Variants in WWOX observed in about 807,000 individuals in gnomAD.
WWOX encodes the protein WW domain containing oxidoreductase.
A neutral mutation model predicts 46.2 loss-of-function variants in WWOX; 69 were observed. That is an observed-to-expected ratio of 1.49 (90% CI 1.23 to 1.82). WWOX has a LOEUF of 1.82. Among genes scored for constraint, WWOX ranks in the 40% most tolerant of loss-of-function variants. WWOX has a pLI of 0.00. For synonymous variants in WWOX, 359 were observed against 202.6 expected (o/e 1.77, Z -6.56); for missense variants, 919 against 542.6 (o/e 1.69, Z -6.89).
chr16:78,816,154 C>T (rs764294067), intron 8 of WWOX, among the ~76,000 whole-genome samples: 5 of 152,166 alleles, frequency 3.3e-5, no homozygotes, highest in African/African-American at 1.2e-4. Flanking sequence ...GTTGTTTAAA[C>T]TAAATCCCTA....
At chr16:78,518,901 C>G (rs893250794) in intron 8 of WWOX, among the ~76,000 whole-genome samples, 5 of 152,174 alleles carry the variant, frequency 3.3e-5, no homozygotes, top group African/African-American at 1.2e-4. Flanking sequence ...TTGGTACTCA[C>G]GGGTGTTATG....
chr16:78,642,100 T>TC (rs1342191604), intron 8 of WWOX, among the ~76,000 whole-genome samples: 1 of 152,144 alleles, frequency 6.6e-6, no homozygotes, highest in Non-Finnish European at 1.5e-5. Context: ...AGACTGTCTG[T>TC]CCCCCAAATA....
intron 8 of WWOX, among the ~76,000 whole-genome samples, chr16:78,875,523 T>G (rs1001306730): frequency 1.3e-5 from 2 of 152,242 alleles, no homozygotes; most frequent in Non-Finnish European, 2.9e-5. Context: ...CTATTTAATC[T>G]GTTTTTCCTT....
intron 8 of WWOX, among the ~76,000 whole-genome samples, chr16:78,561,156 C>G (rs1173707801): frequency 1.3e-5 from 2 of 152,144 alleles, no homozygotes; most frequent in African/African-American, 2.4e-5. Context: ...GGTGGCTGCC[C>G]TCAGCTCCCA....
intron 8 of WWOX, chr16:78,890,136 C>G (rs1015180518): frequency 1.3e-5 from 2 of 152,106 alleles, no homozygotes; most frequent in African/African-American, 4.8e-5. Flanking sequence ...TTTTCCTAAA[C>G]AACATCAATG....
chr16:78,736,941 C>T (rs16948397), intron 8 of WWOX, among the ~76,000 whole-genome samples: 54 of 151,778 alleles, frequency 3.6e-4, no homozygotes, highest in Admixed American at 1.1e-3. Context: ...TTGTGTATTG[C>T]GTTATTGCCT....
chr16:78,679,219 C>G (rs368572889), intron 8 of WWOX, among the ~76,000 whole-genome samples: 10 of 152,088 alleles, frequency 6.6e-5, no homozygotes, highest in African/African-American at 2.4e-4. Context: ...TCCTAGAACC[C>G]GTTTCTTACC....
At chr16:78,140,816 T>G (rs2033960481) in intron 4 of WWOX, among the ~76,000 whole-genome samples, 1 of 152,190 alleles carries the variant, frequency 6.6e-6, no homozygotes, top group African/African-American at 2.4e-5. Context: ...CATATCTTTT[T>G]GGGGGGACAC....
chr16:78,869,502 G>C (rs1164587869), intron 8 of WWOX, among the ~76,000 whole-genome samples: 1 of 152,228 alleles, frequency 6.6e-6, no homozygotes, highest in Non-Finnish European at 1.5e-5. Context: ...TAACAATTTA[G>C]ATGAAGGATG....
intron 8 of WWOX, among the ~76,000 whole-genome samples, chr16:78,907,233 G>C (rs546154339): frequency 6.6e-6 from 1 of 152,136 alleles, no homozygotes; most frequent in South Asian, 2.1e-4. Flanking sequence ...GCTTCTGGGT[G>C]GGGGGCAGGG....
chr16:78,173,369 A>G lies in WWOX; in HGVS notation c.516+9080A>G, dbSNP rs561645817. Among the ~76,000 whole-genome samples the G allele has an allele frequency of 2.0e-5, 3 of 151,976 alleles. No homozygotes were observed. The East Asian group carries it at 5.8e-4, about 29-fold the overall frequency. The stretch of plus-strand genomic sequence containing the variant: ...AGTGGCACAATGATGGTTCACTGCA[A>G]CCTTGACCTCCTGGGCTCAAGTGAT... On this transcript the variant is annotated intron_variant, in intron 5 of 8. Transcript: ENST00000566780.
chr16:78,795,674 A>C (rs956598300), intron 8 of WWOX, among the ~76,000 whole-genome samples: 2 of 152,142 alleles, frequency 1.3e-5, no homozygotes, highest in Non-Finnish European at 2.9e-5. Flanking sequence ...ATTAACATAC[A>C]CAGTCAGCAT....
At chr16:78,767,117 C>T (rs1319737860) in intron 8 of WWOX, among the ~76,000 whole-genome samples, 1 of 121,890 alleles carries the variant, frequency 8.2e-6, no homozygotes, top group African/African-American at 3.0e-5. Context: ...TTCCTTCCTT[C>T]TTTCCTTCCT....
At chr16:78,987,381 T>C (rs549480440) in intron 8 of WWOX, among the ~76,000 whole-genome samples, 9 of 152,348 alleles carry the variant, frequency 5.9e-5, no homozygotes, top group African/African-American at 2.2e-4. Flanking sequence ...AATATTTTCC[T>C]AGCAAAGGCA....
At chr16:79,029,315 A>G (rs1169442998) in intron 8 of WWOX, among the ~76,000 whole-genome samples, 3 of 152,182 alleles carry the variant, frequency 2.0e-5, no homozygotes, top group Non-Finnish European at 4.4e-5. Flanking sequence ...TGGGGAAGAG[A>G]CGCACATCAG....
intron 8 of WWOX, among the ~76,000 whole-genome samples, chr16:79,124,234 C>T (rs966238185): frequency 6.6e-6 from 1 of 152,118 alleles, no homozygotes; most frequent in Non-Finnish European, 1.5e-5. Flanking sequence ...GTGCCCCCTG[C>T]CCCAGAACTG....
rs576968725 is a variant in WWOX, at chr16:78,802,789, G to A, written c.1056+370037G>A. 5.3e-5 allele frequency among the ~76,000 whole-genome samples: 8 copies of A among 151,508 alleles called. No homozygotes were observed. The South Asian group carries it at 6.3e-4, about 12-fold the overall frequency. On this transcript the variant is annotated intron_variant, in intron 8 of 8. Transcript: ENST00000566780. Reference sequence around the variant, plus strand: ...AAGTTAGCCAGGTGTGGTGGTGGGCGCCTGTAATCCCAGCTACATGGGAGG... The same window carrying A: ...AAGTTAGCCAGGTGTGGTGGTGGGCACCTGTAATCCCAGCTACATGGGAGG...
In WWOX at chr16:78,986,995, G is replaced by T. The variant is rs568945393; in HGVS notation, c.1057-224613G>T. ...GGAGGTACAGTGCACTTACCCACAC[G>T]GAGCAGAGAGGGATCAGAGGAGGCT... On this transcript the variant is annotated intron_variant, in intron 8 of 8. Coordinates refer to ENST00000566780, the MANE Select transcript of WWOX (RefSeq NM_016373.4). 1.2e-4 allele frequency among the ~76,000 whole-genome samples: 18 copies of T among 152,092 alleles called. No homozygotes were observed. In the South Asian group the frequency reaches 3.8e-3, roughly 32 times the overall value.
At chr16:79,161,836 AGAAATGCT>A in intron 8 of WWOX, among the ~76,000 whole-genome samples, 1 of 152,308 alleles carries the variant, frequency 6.6e-6, no homozygotes, top group Non-Finnish European at 1.5e-5. Flanking sequence ...TTTCACTTTA[AGAAATGCT>A]TTTTCTGTCA....
Sources: gnomAD v4.1 joint callset for allele counts (sites outside exome capture counted in the v4.1 genomes callset) on GRCh38, gnomAD v4.1.1 for gene constraint, MANE v1.5 for transcripts, NCBI Gene and HGNC (gene_info 2026-07-23, HGNC 2026-07-21) for gene names.